The following PHACTR3 variants were observed in gnomAD, a reference collection of about 807,000 sequenced individuals.
The protein encoded by PHACTR3 is protein phosphatase 1, regulatory subunit 123.
In PHACTR3, 16 loss-of-function variants were observed where a neutral mutation model predicts 66.8. The ratio of observed to expected loss-of-function variants is 0.24; its 90% confidence interval spans 0.16 to 0.36. The LOEUF is 0.36. PHACTR3 is among the 10% of genes least tolerant of loss of function. PHACTR3 has a pLI of 1.00. For synonymous variants in PHACTR3, 323 were observed against 292.1 expected, an observed-to-expected ratio of 1.11 and a Z score of -1.08; for missense variants, 647 against 719.9, an observed-to-expected ratio of 0.90 and a Z score of 1.16.
At chr20:59,702,799 G>A (rs1433220479) in intron 1 of PHACTR3, among the ~76,000 whole-genome samples, 1 of 152,228 alleles carries the variant, frequency 6.6e-6, no homozygotes, top group Admixed American at 6.5e-5. Context: ...TGAAAAGAGA[G>A]AAGAAACCAG....
At chr20:59,692,558 C>T (rs373016042) in intron 1 of PHACTR3, among the ~76,000 whole-genome samples, 5 of 152,318 alleles carry the variant, frequency 3.3e-5, no homozygotes, top group Admixed American at 2.6e-4. Context: ...GTGCCCAATA[C>T]CATTCTCTGT....
At chr20:59,629,360 C>A (rs1324839248) in intron 1 of PHACTR3, among the ~76,000 whole-genome samples, 1 of 152,248 alleles carries the variant, frequency 6.6e-6, no homozygotes, top group African/African-American at 2.4e-5. Flanking sequence ...GAAGGCCCAG[C>A]CTTCCCCTTC....
intron 4 of PHACTR3, 52 bp from the exon 5 acceptor site, chr20:59,767,134 A>G: frequency 1.3e-6 from 2 of 1,576,808 alleles, no homozygotes; most frequent in Non-Finnish European, 1.7e-6. Flanking sequence ...TCTTACTTCC[A>G]CTGCTGTCAG....
At chr20:59,837,819 G>T (rs1475867772) in intron 9 of PHACTR3, among the ~76,000 whole-genome samples, 1 of 152,208 alleles carries the variant, frequency 6.6e-6, no homozygotes, top group African/African-American at 2.4e-5. Flanking sequence ...CAAGTAGCCT[G>T]CTGTCAGCAA....
chr20:59,845,065 G>T (rs749734845), intron 11 of PHACTR3, 124 bp from the exon 12 acceptor site: 9 of 591,442 alleles, frequency 1.5e-5, no homozygotes, highest in East Asian at 9.2e-5. Context: ...AAAATTGTTT[G>T]TTTTTTTCTG....
intron 1 of PHACTR3, among the ~76,000 whole-genome samples, chr20:59,728,217 T>A (rs1363658581): frequency 1.3e-5 from 2 of 152,044 alleles, no homozygotes; most frequent in African/African-American, 4.8e-5. Context: ...TGTTGAGTGG[T>A]CTTCTGTGAC....
At chr20:59,623,150 C>A (rs1462513399) in intron 1 of PHACTR3, among the ~76,000 whole-genome samples, 2 of 151,762 alleles carry the variant, frequency 1.3e-5, no homozygotes, top group African/African-American at 4.8e-5. Context: ...AAAAACTCAA[C>A]AGGCTTTTTA....
intron 7 of PHACTR3, among the ~76,000 whole-genome samples, chr20:59,780,421 A>G (rs1321847395): frequency 6.6e-6 from 1 of 152,214 alleles, no homozygotes; most frequent in Non-Finnish European, 1.5e-5. Context: ...AGGTTCTGAC[A>G]CGTGGGGTTT....
At chr20:59,710,025 A>G (rs79942748) in intron 1 of PHACTR3, among the ~76,000 whole-genome samples, 6,205 of 152,164 alleles carry the variant, frequency 0.041, 175 homozygotes, top group Non-Finnish European at 0.063. Context: ...GCAGAGGAAA[A>G]AATCAGGTCT....
intron 1 of PHACTR3, among the ~76,000 whole-genome samples, chr20:59,593,830 C>T (rs6100516): frequency 6.6e-6 from 1 of 152,156 alleles, no homozygotes; most frequent in South Asian, 2.1e-4. Context: ...GGATCAATTC[C>T]TGAGCTCCCT....
At chr20:59,629,658 C>A (rs925682114) in intron 1 of PHACTR3, among the ~76,000 whole-genome samples, 1 of 152,212 alleles carries the variant, frequency 6.6e-6, no homozygotes, top group Non-Finnish European at 1.5e-5. Context: ...CTGGAGGCTT[C>A]CATCTTCTGC....
chr20:59,691,507 G>T (rs954677917), intron 1 of PHACTR3, among the ~76,000 whole-genome samples: 1 of 151,964 alleles, frequency 6.6e-6, no homozygotes, highest in Non-Finnish European at 1.5e-5. Context: ...TTGTCCCATT[G>T]AATTGTGTCT....
At chr20:59,677,174 G>T (rs1160834159) in intron 1 of PHACTR3, among the ~76,000 whole-genome samples, 1 of 152,202 alleles carries the variant, frequency 6.6e-6, no homozygotes, top group Non-Finnish European at 1.5e-5. Context: ...GATTGTCATT[G>T]ATGTGCGTTT....
intron 1 of PHACTR3, among the ~76,000 whole-genome samples, chr20:59,709,907 C>T (rs1212060046): frequency 1.3e-5 from 2 of 152,010 alleles, no homozygotes; most frequent in African/African-American, 4.8e-5. Context: ...TGAAGTGCAG[C>T]TTATAGGCTA....
intron 1 of PHACTR3, among the ~76,000 whole-genome samples, chr20:59,584,409 C>G (rs1438024676): frequency 6.7e-6 from 1 of 149,720 alleles, no homozygotes; most frequent in African/African-American, 2.5e-5. Flanking sequence ...AGTGTGCGTG[C>G]CTGTGTGTGT....
At chr20:59,765,608 A>G (rs118101576) in intron 4 of PHACTR3, among the ~76,000 whole-genome samples, 3,403 of 152,372 alleles carry the variant, frequency 0.022, 59 homozygotes, top group Non-Finnish European at 0.035. Flanking sequence ...AACATAGCCA[A>G]TAAAGGAACG....
At chr20:59,731,382 C>T (rs1268836300) in intron 1 of PHACTR3, among the ~76,000 whole-genome samples, 4 of 152,168 alleles carry the variant, frequency 2.6e-5, no homozygotes, top group Non-Finnish European at 5.9e-5. Flanking sequence ...GCAGATGCAT[C>T]CTACTAAGCC....
rs749631040 is a variant in PHACTR3, at chr20:59,829,922, T to C, written c.1329-6583T>C. Among the ~76,000 whole-genome samples, 23 of 152,200 alleles carry C rather than the reference T, an allele frequency of 1.5e-4. No individual in the cohort carries two copies. Among genetic ancestry groups the C allele is most frequent in the South Asian group, 4.1e-4 (2 of 4,832 alleles). ...GGCAGCCTGGCTGGGTGGGGCTTCA[T>C]TGGGGAAGCAAAGCTTGGGGAGCTG... On this transcript the variant is annotated intron_variant, in intron 8 of 12. Coordinates refer to ENST00000371015, the MANE Select transcript of PHACTR3 (RefSeq NM_080672.5). The surrounding 1 kb of genome is among the most constrained non-coding windows in gnomAD (Gnocchi z 4.2).
chr20:59,646,212 G>A (rs572946004), intron 1 of PHACTR3, among the ~76,000 whole-genome samples: 3 of 152,194 alleles, frequency 2.0e-5, no homozygotes, highest in Non-Finnish European at 2.9e-5. Context: ...GGGAGCCCTG[G>A]GGCCCTGGGT....
Sources: gnomAD v4.1 joint callset for allele counts (sites outside exome capture counted in the v4.1 genomes callset) on GRCh38, gnomAD v4.1.1 for gene constraint, Gnocchi (gnomAD v3.1) non-coding constraint, MANE v1.5 for transcripts, NCBI Gene and HGNC (gene_info 2026-07-23, HGNC 2026-07-21) for gene names.